The following MYBPC3 variants were observed in gnomAD, a reference collection of about 807,000 sequenced individuals.
MYBPC3 encodes myosin binding protein C3.
A neutral mutation model predicts 159.3 loss-of-function variants in MYBPC3; 108 were observed. The observed-to-expected ratio is 0.68, with a 90% CI of 0.58 to 0.80. MYBPC3 has a LOEUF of 0.80. Among genes scored for constraint, MYBPC3 ranks in the 30% least tolerant of loss-of-function variants. The pLI is 0.00. For missense variants in MYBPC3, 1,631 were observed against 1,762.1 expected (o/e 0.93, Z 1.33); for synonymous variants, 730 against 702.0 (o/e 1.04, Z -0.63).
intron 12 of MYBPC3, among the ~76,000 whole-genome samples, chr11:47,345,671 C>A (rs1296500205): frequency 2.6e-5 from 4 of 152,160 alleles, no homozygotes; most frequent in African/African-American, 9.7e-5. Context: ...CTCCTCTTTC[C>A]ATCTGCCTGG....
chr11:47,337,256 G>C (rs900317777), intron 25 of MYBPC3, 135 bp downstream of exon 25: 2 of 948,444 alleles, frequency 2.1e-6, no homozygotes, highest in Non-Finnish European at 3.0e-6. Context: ...AAATGCGGCT[G>C]AGTATCCCCA....
Position 47,332,891 on chromosome 11 carries a change from CG to C in MYBPC3, c.3412del (p.Arg1138AlafsTer51), listed in dbSNP as rs2095878612. 2 of 1,608,204 alleles carry C rather than the reference CG, an allele frequency of 1.2e-6. No homozygotes were observed. Among genetic ancestry groups the C allele is most frequent in the Middle Eastern group, 1.7e-4 (1 of 6,052 alleles). On this transcript the variant is annotated frameshift_variant, in exon 31 of 35. Coordinates refer to ENST00000545968, the MANE Select transcript of MYBPC3 (RefSeq NM_000256.3). LOFTEE classifies it high-confidence loss of function. This position sits in a 1 kb window ranked among gnomAD's most constrained non-coding sequence, Gnocchi z 4.2. ...ELIIGNGYYF[R>X]VFSQNMVGFS... ...GCCAACCATATTCTGGCTGAAGACG[CG>C]GAAGTAGTAGCCATTGCCAATGATG...
Position 47,351,170 on chromosome 11 carries a change from G to A in MYBPC3, c.292+69C>T. The A allele has an allele frequency of 2.8e-6, 4 of 1,440,602 alleles. No homozygotes were observed. The highest frequency in any genetic ancestry group is 3.7e-6 in the Non-Finnish European group (4 of 1,086,876). 89.2% of individuals were successfully genotyped at this position (1,440,602 alleles called of 1,614,324 possible). On this transcript the variant is annotated intron_variant, in intron 2 of 34. Coordinates refer to ENST00000545968, the MANE Select transcript of MYBPC3 (RefSeq NM_000256.3). The surrounding 1 kb of genome is among the most constrained non-coding windows in gnomAD (Gnocchi z 4.2). ...GAAAGCACCTCCTGTTCCCTGGATGGATGGAGAGTCGCTGGGCTGCCCCTC... is the reference window on the plus strand; with the variant it reads ...GAAAGCACCTCCTGTTCCCTGGATGAATGGAGAGTCGCTGGGCTGCCCCTC...
chr11:47,332,391 A>G lies in MYBPC3; in HGVS notation c.3628-133T>C. 3 of 1,421,362 alleles carry G rather than the reference A, an allele frequency of 2.1e-6. No individual in the cohort carries two copies. The highest frequency in any genetic ancestry group is 2.9e-6 in the Non-Finnish European group (3 of 1,032,176). 88.0% of individuals were successfully genotyped at this position (1,421,362 alleles called of 1,614,324 possible). A position where few individuals can be genotyped will look rare whatever the true frequency, so the allele number is the denominator to read the frequency against. The stretch of plus-strand genomic sequence containing the variant: ...TCCCTGACTATGCCCAAGGCTGGAA[A>G]CAAACATGGAACCAAGAGTGAGTAC... On this transcript the variant is annotated intron_variant, in intron 32 of 34. Coordinates refer to ENST00000545968, the MANE Select transcript of MYBPC3 (RefSeq NM_000256.3). The surrounding 1 kb of genome is among the most constrained non-coding windows in gnomAD (Gnocchi z 4.2).
rs373135387 is a variant in MYBPC3, at chr11:47,338,512, G to A, written c.2308+8C>T. 18 of 1,613,844 alleles carry A rather than the reference G, an allele frequency of 1.1e-5. No homozygotes were observed. Among genetic ancestry groups the A allele is most frequent in the African/African-American group, 9.3e-5 (7 of 74,924 alleles). On this transcript the variant is annotated splice_region_variant and intron_variant, in intron 23 of 34. Transcript: ENST00000545968. The surrounding 1 kb of genome is among the most constrained non-coding windows in gnomAD (Gnocchi z 4.7). ...GTGTTCTCCAGCTTGGACCCCGGCCGGCCTCACCGATGACCTTGACTGTGA... is the reference window on the plus strand; with the variant it reads ...GTGTTCTCCAGCTTGGACCCCGGCCAGCCTCACCGATGACCTTGACTGTGA...
chr11:47,347,964 C>A lies in MYBPC3; in HGVS notation c.773-59G>T, dbSNP rs191875713. The A allele has an allele frequency of 2.5e-3, 3,784 of 1,500,886 alleles. 8 individuals carry two copies. Among genetic ancestry groups the A allele is most frequent in the Non-Finnish European group, 3.2e-3 (3,555 of 1,100,568 alleles). The allele number at this position is 1,500,886 out of a possible 1,614,324, so 93.0% of individuals were successfully genotyped here. The stretch of plus-strand genomic sequence containing the variant: ...GCTTCAGAGGGGGCCGTTTGAGAAG[C>A]CCTGCCCTGGGGGCGGCCTCTGAGT... On this transcript the variant is annotated intron_variant, in intron 6 of 34. Transcript: ENST00000545968.
In MYBPC3 at chr11:47,346,781, G is replaced by C; in HGVS notation, c.909-137C>G. ...CGCACTTGCACTCCCTGTGTTGTGG[G>C]GCACCCATGCTGCTCCGGAGGCTCT... is the stretch of plus-strand genomic sequence containing the variant. On this transcript the variant is annotated intron_variant, in intron 10 of 34. Transcript: ENST00000545968. The surrounding 1 kb of genome is among the most constrained non-coding windows in gnomAD (Gnocchi z 5.3). The C allele has an allele frequency of 1.0e-6, 1 of 960,438 alleles. No homozygotes were observed. The highest frequency in any genetic ancestry group is 1.6e-5 in the South Asian group (1 of 61,740). 59.5% of individuals were successfully genotyped at this position (960,438 alleles called of 1,614,324 possible). A position where few individuals can be genotyped will look rare whatever the true frequency, so the allele number is the denominator to read the frequency against.
Position 47,351,532 on chromosome 11 carries a change from G to A in MYBPC3, c.26-27C>T, listed in dbSNP as rs370257628. The A allele has an allele frequency of 1.1e-4, 176 of 1,556,704 alleles. No individual in the cohort carries two copies. The highest frequency in any genetic ancestry group is 2.4e-4 in the African/African-American group (18 of 74,048). ...TGAAGGGCCAGGTGGAGGCTACAGC[G>A]GCCCCTGGTTGGAGCGTGCACCCCG... On this transcript the variant is annotated intron_variant, in intron 1 of 34. Coordinates refer to ENST00000545968, the MANE Select transcript of MYBPC3 (RefSeq NM_000256.3). The surrounding 1 kb of genome is among the most constrained non-coding windows in gnomAD (Gnocchi z 4.2).
chr11:47,343,493 T>G lies in MYBPC3; in HGVS notation c.1222A>C (p.Ser408Arg), dbSNP rs730880638. ...CCCCCTCCCCACCCCAGGCTGCACC[T>G]GCCGCTCATCTGGATCTCCTGGCCA... is the stretch of plus-strand genomic sequence containing the variant. ...KNGQEIQMSG[S>R]KYIFESIGAK... The change falls in exon 13 of 35, where the codon AGC (serine) becomes CGC (arginine). Residue 408 changes from serine (S) to arginine (R), a missense_variant and splice_region_variant. Physicochemically the swap from Ser to Arg is moderately radical, Grantham distance 110. Transcript: ENST00000545968. 8.0e-7 allele frequency: 1 copy of G among 1,254,658 alleles called. No individual in the cohort carries two copies. Among genetic ancestry groups the G allele is most frequent in the Admixed American group, 2.0e-5 (1 of 48,792 alleles). The allele number at this position is 1,254,658 out of a possible 1,614,324, so 77.7% of individuals were successfully genotyped here. A position where few individuals can be genotyped will look rare whatever the true frequency, so the allele number is the denominator to read the frequency against.
chr11:47,331,971 C>G, intron 33 of MYBPC3, 90 bp from the exon 34 acceptor site: 1 of 1,592,798 alleles, frequency 6.3e-7, no homozygotes, highest in South Asian at 1.1e-5. Context: ...GCCCTTGCAG[C>G]CAGGGCAGGT....
At chr11:47,337,160 G>A (rs2095883079) in intron 25 of MYBPC3, among the ~76,000 whole-genome samples, 3 of 152,188 alleles carry the variant, frequency 2.0e-5, no homozygotes, top group Non-Finnish European at 2.9e-5. Context: ...AGGGGTCGGC[G>A]TAGTGTGAGA....
In MYBPC3 at chr11:47,347,476, A is replaced by C; in HGVS notation, c.855T>G (p.Asp285Glu). ...CCAGAATCCCAGTGTCCTCATGGCT[A>C]TCACTATGGAGAGGGACCCCCAGTG... Reference protein sequence around the residue: ...SLAGGGRRISDSHEDTGILDF... With the variant: ...SLAGGGRRISESHEDTGILDF... Residue 285 changes from aspartate (D) to glutamate (E), a missense_variant, in exon 9 of 35, where the codon GAT (aspartate) becomes GAG (glutamate). By Grantham distance (45) the Asp-to-Glu change is conservative. Transcript: ENST00000545968. 6.3e-7 allele frequency: 1 copy of C among 1,596,400 alleles called. No individual in the cohort carries two copies. Among genetic ancestry groups the C allele is most frequent in the African/African-American group, 1.3e-5 (1 of 74,686 alleles).
intron 12 of MYBPC3, among the ~76,000 whole-genome samples, 172 bp from the exon 13 acceptor site, chr11:47,343,796 T>G (rs186599612): frequency 6.4e-4 from 98 of 152,082 alleles, no homozygotes; most frequent in African/African-American, 2.3e-3. Context: ...TTTGTCTGTT[T>G]GTTTGTTTTT....
chr11:47,347,627 A>G, intron 8 of MYBPC3, 24 bp downstream of exon 8: 2 of 1,571,318 alleles, frequency 1.3e-6, no homozygotes. Context: ...CGGATGGTGC[A>G]GGTAGGGCCT....
chr11:47,343,029 A>G lies in MYBPC3; in HGVS notation c.1343T>C (p.Phe448Ser), dbSNP rs727504279. The G allele has an allele frequency of 1.2e-6, 2 of 1,613,246 alleles. No homozygotes were observed. Among genetic ancestry groups the G allele is most frequent in the Non-Finnish European group, 1.7e-6 (2 of 1,179,726 alleles). ...TCAGGTCCCAGGCCCACCTTTCACA[A>G]AGAGCTCCGTGCTACACTTCTCGCC... ...VGGEKCSTELFVKEPPVLITR... is the reference protein window; with the variant it reads ...VGGEKCSTELSVKEPPVLITR... The change falls in exon 15 of 35, where the codon TTT (phenylalanine) becomes TCT (serine). Residue 448 changes from phenylalanine to serine, a missense_variant. Transcript: ENST00000545968.
In MYBPC3 at chr11:47,338,696, T is replaced by A. The variant is rs2095885210; in HGVS notation, c.2149-17A>T. The A allele has an allele frequency of 6.3e-7, 1 of 1,599,266 alleles. No individual in the cohort carries two copies. The highest frequency in any genetic ancestry group is 8.5e-7 in the Non-Finnish European group (1 of 1,172,844). On this transcript the variant is annotated splice_polypyrimidine_tract_variant and intron_variant, in intron 22 of 34. Coordinates refer to ENST00000545968, the MANE Select transcript of MYBPC3 (RefSeq NM_000256.3). This position sits in a 1 kb window ranked among gnomAD's most constrained non-coding sequence, Gnocchi z 4.7. Reference sequence around the variant, plus strand: ...ACACAGCAGCTGGGGGGGTGCAGAGTTGGGGTGAGATCCAAGTCAGACCCC... The same window carrying A: ...ACACAGCAGCTGGGGGGGTGCAGAGATGGGGTGAGATCCAAGTCAGACCCC...
chr11:47,342,264 G>A, intron 17 of MYBPC3, 108 bp from the exon 18 acceptor site: 1 of 1,338,040 alleles, frequency 7.5e-7, no homozygotes, highest in East Asian at 2.5e-5. Flanking sequence ...GTGTCTGGGT[G>A]CATGTGGGCA....
intron 25 of MYBPC3, 43 bp from the exon 26 acceptor site, chr11:47,336,054 G>A (rs749417540): frequency 2.9e-6 from 4 of 1,393,802 alleles, no homozygotes; most frequent in Non-Finnish European, 3.7e-6. Flanking sequence ...GCAAGCCTGG[G>A]GAAGCTGGAG....
rs906425351 is a variant in MYBPC3 at position 47,331,593 on chromosome 11, A to C, written c.*150T>G. On this transcript the variant is annotated 3_prime_UTR_variant, in exon 35 of 35. Coordinates refer to ENST00000545968, the MANE Select transcript of MYBPC3 (RefSeq NM_000256.3). ...AACACCCACTCAGGACTGCCCGACA[A>C]CTGCCCTGCTGATCCCCCATCGCAG... is the stretch of plus-strand genomic sequence containing the variant. The C allele has an allele frequency of 2.6e-5, 13 of 495,082 alleles. No homozygotes were observed. The Admixed American group carries it at 4.0e-4, about 15-fold the overall frequency. The allele number at this position is 495,082 out of a possible 1,614,324, so 30.7% of individuals were successfully genotyped here. A position where few individuals can be genotyped will look rare whatever the true frequency, so the allele number is the denominator to read the frequency against.
Sources: gnomAD v4.1 joint callset for allele counts (sites outside exome capture counted in the v4.1 genomes callset) on GRCh38, gnomAD v4.1.1 for gene constraint, Gnocchi (gnomAD v3.1) non-coding constraint, MANE v1.5 for transcripts, NCBI Gene and HGNC (gene_info 2026-07-23, HGNC 2026-07-21) for gene names.